The following SNRPD2 variants were observed in gnomAD, a reference collection of about 807,000 sequenced individuals.
SNRPD2 encodes the protein small nuclear ribonucleoprotein D2 polypeptide.
SNRPD2 carries 1 observed loss-of-function variant against 11.5 expected under a neutral mutation model. The observed-to-expected ratio is 0.09, with a 90% CI of 0.03 to 0.41. The LOEUF is 0.41. Ranked by LOEUF, SNRPD2 falls within the 10% of genes least tolerant of loss-of-function variation. The pLI, the probability that SNRPD2 is intolerant of heterozygous loss-of-function variation, is 0.98. For synonymous variants in SNRPD2, 63 were observed against 61.5 expected, an observed-to-expected ratio of 1.02 and a Z score of -0.12; for missense variants, 77 against 154.9, an observed-to-expected ratio of 0.50 and a Z score of 2.67.
intron 1 of SNRPD2, among the ~76,000 whole-genome samples, chr19:45,689,952 G>A (rs1367456978): frequency 1.3e-5 from 2 of 151,708 alleles, no homozygotes; most frequent in African/African-American, 4.8e-5. Context: ...CAGCAGAAAC[G>A]CTTGAGCCCC....
chr19:45,689,460 G>T, intron 1 of SNRPD2: 1 of 309,738 alleles, frequency 3.2e-6, no homozygotes, highest in Non-Finnish European at 6.4e-6. Flanking sequence ...TTGATGTGAG[G>T]AGTTCGAGAC....
rs376193480 is a variant in SNRPD2 at position 45,687,759 on chromosome 19, C to A, written c.183-32G>T. The stretch of plus-strand genomic sequence containing the variant: ...GGGAACAGGGAGGGGAGGCACTGGG[C>A]GTGAGGGGCGTGCCTCTGACAGTGC... On this transcript the variant is annotated intron_variant, in intron 2 of 2. Transcript: ENST00000342669. This position sits in a 1 kb window ranked among gnomAD's most constrained non-coding sequence, Gnocchi z 4.1. 426 of 1,574,644 alleles carry A rather than the reference C, an allele frequency of 2.7e-4. 2 individuals are homozygous for A. The African/African-American group carries it at 5.3e-3, about 20-fold the overall frequency.
Position 45,688,969 on chromosome 19 carries a change from G to A in SNRPD2, c.3-403C>T, listed in dbSNP as rs956166813. Among the ~76,000 whole-genome samples, 1 of 151,994 alleles carries A rather than the reference G, an allele frequency of 6.6e-6. No homozygotes were observed. The highest frequency in any genetic ancestry group is 2.4e-5 in the African/African-American group (1 of 41,380). On this transcript the variant is annotated intron_variant, in intron 1 of 2. Coordinates refer to ENST00000342669, the MANE Select transcript of SNRPD2 (RefSeq NM_001384647.1). This position sits in a 1 kb window ranked among gnomAD's most constrained non-coding sequence, Gnocchi z 4.1. ...AGGATGGTCTTGATTTCTTGACCTTGTGATCCACCCGCCTCGACCTCCCAA... is the reference window on the plus strand; with the variant it reads ...AGGATGGTCTTGATTTCTTGACCTTATGATCCACCCGCCTCGACCTCCCAA...
chr19:45,689,081 C>A (rs556280534), intron 1 of SNRPD2, among the ~76,000 whole-genome samples: 1 of 150,678 alleles, frequency 6.6e-6, no homozygotes, highest in African/African-American at 2.4e-5. Flanking sequence ...GATCACCCAA[C>A]CACCCAAGCC....
intron 1 of SNRPD2, 96 bp downstream of exon 1, chr19:45,691,791 C>G: frequency 6.9e-7 from 1 of 1,447,476 alleles, no homozygotes; most frequent in Middle Eastern, 1.8e-4. Flanking sequence ...ACATCTGCCC[C>G]TGCCCCCCCC....
At chr19:45,691,278 C>T (rs1366407132) in intron 1 of SNRPD2, 1 of 152,516 alleles carries the variant, frequency 6.6e-6, no homozygotes, top group Non-Finnish European at 1.5e-5. Flanking sequence ...TTACAGGCGC[C>T]CGCCACTACG....
At position 45,687,956 on chromosome 19, in the gene SNRPD2, T is replaced by C. The variant is rs567414529; in HGVS notation, c.183-229A>G. ...TGCTCCTTTTTAAGAGGGAAGATAA[T>C]CACGTTACCTTCCTCACAGGGCCAT... is the stretch of plus-strand genomic sequence containing the variant. On this transcript the variant is annotated intron_variant, in intron 2 of 2. Transcript: ENST00000342669. This position sits in a 1 kb window ranked among gnomAD's most constrained non-coding sequence, Gnocchi z 4.1. Among the ~76,000 whole-genome samples the C allele has an allele frequency of 1.3e-5, 2 of 152,302 alleles. No homozygotes were observed. The highest frequency in any genetic ancestry group is 3.9e-4 in the East Asian group (2 of 5,176).
Position 45,687,604 on chromosome 19 carries a change from G to T in SNRPD2, c.306C>A (p.Arg102=), listed in dbSNP as rs760607876. Residue 102 remains arginine, a synonymous_variant, in exon 3 of 3, where the codon CGC becomes CGA. Coordinates refer to ENST00000342669, the MANE Select transcript of SNRPD2 (RefSeq NM_001384647.1). The surrounding 1 kb of genome is among the most constrained non-coding windows in gnomAD (Gnocchi z 4.1). ...KDRYISKMFL[R]GDSVIVVLRN... ...GCAGGACCACGATGACTGAGTCCCCGCGCAGGAACATCTTGGAGATGTAGC... is the reference window on the plus strand; with the variant it reads ...GCAGGACCACGATGACTGAGTCCCCTCGCAGGAACATCTTGGAGATGTAGC... The T allele has an allele frequency of 2.5e-6, 4 of 1,614,196 alleles. No individual in the cohort carries two copies. Among genetic ancestry groups the T allele is most frequent in the Non-Finnish European group, 3.4e-6 (4 of 1,180,018 alleles).
At chr19:45,689,367 T>C (rs1400007170) in intron 1 of SNRPD2, 1 of 488,350 alleles carries the variant, frequency 2.0e-6, no homozygotes, top group African/African-American at 2.0e-5. Flanking sequence ...AACATGTCAC[T>C]CTTCAAAACC....
rs529653288 is a variant in SNRPD2 at position 45,688,876 on chromosome 19, G to A, written c.3-310C>T. The stretch of plus-strand genomic sequence containing the variant: ...GCCTCCTGAGGAGCTGGGACTACAG[G>A]CATGCACCACCTCCACGCCCAGCTA... On this transcript the variant is annotated intron_variant, in intron 1 of 2. Coordinates refer to ENST00000342669, the MANE Select transcript of SNRPD2 (RefSeq NM_001384647.1). This position sits in a 1 kb window ranked among gnomAD's most constrained non-coding sequence, Gnocchi z 4.1. 2.4e-4 allele frequency among the ~76,000 whole-genome samples: 37 copies of A among 152,180 alleles called. No homozygotes were observed. Among genetic ancestry groups the A allele is most frequent in the African/African-American group, 8.7e-4 (36 of 41,530 alleles).
rs561773849 is a variant in SNRPD2 at position 45,688,171 on chromosome 19, T to G, written c.182+216A>C. Among the ~76,000 whole-genome samples the G allele has an allele frequency of 6.6e-6, 1 of 152,018 alleles. No individual in the cohort carries two copies. Among genetic ancestry groups the G allele is most frequent in the South Asian group, 2.1e-4 (1 of 4,812 alleles). On this transcript the variant is annotated intron_variant, in intron 2 of 2. Coordinates refer to ENST00000342669, the MANE Select transcript of SNRPD2 (RefSeq NM_001384647.1). The surrounding 1 kb of genome is among the most constrained non-coding windows in gnomAD (Gnocchi z 4.1). ...CTGGCTTTTATATTTTTAGTAGAGA[T>G]GGGGTTTCGCCATTTTAGCTAAGCT...
At chr19:45,690,135 T>C (rs1295013490) in intron 1 of SNRPD2, among the ~76,000 whole-genome samples, 1 of 149,484 alleles carries the variant, frequency 6.7e-6, no homozygotes, top group East Asian at 2.0e-4. Flanking sequence ...ATCGAGACCA[T>C]CCTGGCTAAC....
rs779759983 is a variant in SNRPD2, at chr19:45,688,884, C to T, written c.3-318G>A. Among the ~76,000 whole-genome samples, 9 of 152,076 alleles carry T rather than the reference C, an allele frequency of 5.9e-5. No individual in the cohort carries two copies. Among genetic ancestry groups the T allele is most frequent in the Non-Finnish European group, 1.2e-4 (8 of 68,018 alleles). On this transcript the variant is annotated intron_variant, in intron 1 of 2. Transcript: ENST00000342669. The surrounding 1 kb of genome is among the most constrained non-coding windows in gnomAD (Gnocchi z 4.1). ...AGGAGCTGGGACTACAGGCATGCACCACCTCCACGCCCAGCTAATTTTTGT... is the reference window on the plus strand; with the variant it reads ...AGGAGCTGGGACTACAGGCATGCACTACCTCCACGCCCAGCTAATTTTTGT...
intron 1 of SNRPD2, chr19:45,691,536 AT>A (rs5828244): frequency 0.012 from 2,307 of 185,520 alleles, 1 homozygote; most frequent in East Asian, 0.026. Flanking sequence ...TCATAATTAA[AT>A]TTTTTTTTTT....
Position 45,688,545 on chromosome 19 carries a change from C to T in SNRPD2, c.24G>A (p.Lys8=), listed in dbSNP as rs1967465035. Residue 8 remains lysine (K), a synonymous_variant, in exon 2 of 3, where the codon AAG becomes AAA. Transcript: ENST00000342669. The surrounding 1 kb of genome is among the most constrained non-coding windows in gnomAD (Gnocchi z 4.1). ...GCAGCTCCTCTGGGGTCATCTCACTCTTGGGCTTGTTGAGGAGGCTCCTGC... is the reference window on the plus strand; with the variant it reads ...GCAGCTCCTCTGGGGTCATCTCACTTTTGGGCTTGTTGAGGAGGCTCCTGC... MSLLNKP[K]SEMTPEELQK... The T allele has an allele frequency of 6.2e-7, 1 of 1,614,060 alleles. No homozygotes were observed.
At position 45,688,626 on chromosome 19, in the gene SNRPD2, G is replaced by A; in HGVS notation, c.3-60C>T. 7.6e-7 allele frequency: 1 copy of A among 1,322,740 alleles called. No individual in the cohort carries two copies. Among genetic ancestry groups the A allele is most frequent in the Non-Finnish European group, 1.1e-6 (1 of 921,636 alleles). The allele number at this position is 1,322,740 out of a possible 1,614,324, so 81.9% of individuals were successfully genotyped here. ...AGGCTGGAGTTGAGAGGCTGGAGCTGTGAGGATGGGTGATCAGGGCCTTGG... is the reference window on the plus strand; with the variant it reads ...AGGCTGGAGTTGAGAGGCTGGAGCTATGAGGATGGGTGATCAGGGCCTTGG... On this transcript the variant is annotated intron_variant, in intron 1 of 2. Transcript: ENST00000342669. This position sits in a 1 kb window ranked among gnomAD's most constrained non-coding sequence, Gnocchi z 4.1.
In SNRPD2 at chr19:45,688,936, T is replaced by C. The variant is rs945000395; in HGVS notation, c.3-370A>G. Among the ~76,000 whole-genome samples, 5 of 152,046 alleles carry C rather than the reference T, an allele frequency of 3.3e-5. No homozygotes were observed. Among genetic ancestry groups the C allele is most frequent in the Non-Finnish European group, 7.4e-5 (5 of 67,998 alleles). Reference sequence around the variant, plus strand: ...TTTTAGTAAACAGGGGGTTTCACCATGTTGGCCAGGATGGTCTTGATTTCT... The same window carrying C: ...TTTTAGTAAACAGGGGGTTTCACCACGTTGGCCAGGATGGTCTTGATTTCT... On this transcript the variant is annotated intron_variant, in intron 1 of 2. Transcript: ENST00000342669. This position sits in a 1 kb window ranked among gnomAD's most constrained non-coding sequence, Gnocchi z 4.1.
chr19:45,687,763 A>G lies in SNRPD2; in HGVS notation c.183-36T>C, dbSNP rs2075142. On this transcript the variant is annotated intron_variant, in intron 2 of 2. Transcript: ENST00000342669. The surrounding 1 kb of genome is among the most constrained non-coding windows in gnomAD (Gnocchi z 4.1). ...ACAGGGAGGGGAGGCACTGGGCGTG[A>G]GGGGCGTGCCTCTGACAGTGCCCCC... 396,585 of 1,569,216 alleles carry G rather than the reference A, an allele frequency of 0.25. 52,184 individuals carry two copies. The highest frequency in any genetic ancestry group is 0.46 in the East Asian group (20,467 of 44,628).
At chr19:45,691,201 G>A (rs1200703099) in intron 1 of SNRPD2, among the ~76,000 whole-genome samples, 1 of 152,084 alleles carries the variant, frequency 6.6e-6, no homozygotes, top group African/African-American at 2.4e-5. Flanking sequence ...CGCAATCTCG[G>A]CTCACTGCAA....
Sources: allele counts gnomAD v4.1 joint callset (sites outside exome capture counted in the v4.1 genomes callset), GRCh38; gene constraint gnomAD v4.1.1; non-coding constraint Gnocchi (gnomAD v3.1); transcripts MANE v1.5; gene names NCBI Gene and HGNC (gene_info 2026-07-23, HGNC 2026-07-21).